The following PDE4D variants were observed in gnomAD, a reference collection of about 807,000 sequenced individuals.
PDE4D encodes the protein phosphodiesterase 4D.
PDE4D carries 24 observed loss-of-function variants against 87.4 expected under a neutral mutation model. That is an observed-to-expected ratio of 0.27 (90% CI 0.20 to 0.39). The LOEUF (loss-of-function observed/expected upper bound fraction) is 0.39. Among genes scored for constraint, PDE4D ranks in the 10% least tolerant of loss-of-function variants. The pLI is 1.00. For missense variants in PDE4D, 714 were observed against 1,041.0 expected (o/e 0.69, Z 4.32); for synonymous variants, 384 against 383.2 (o/e 1.00, Z -0.02).
intron 1 of PDE4D, among the ~76,000 whole-genome samples, chr5:59,502,136 CT>C (rs1562294753): frequency 6.6e-6 from 1 of 152,128 alleles, no homozygotes; most frequent in Non-Finnish European, 1.5e-5. Context: ...GTGCATTACT[CT>C]TAGAAGAGAG....
chr5:60,508,114 G>A (rs946242581), intron 1 of PDE4D, among the ~76,000 whole-genome samples: 25 of 152,146 alleles, frequency 1.6e-4, no homozygotes, highest in Non-Finnish European at 1.2e-4. Context: ...ATAAATCCCC[G>A]AAGCTCTAAG....
intron 3 of PDE4D, among the ~76,000 whole-genome samples, chr5:59,973,975 A>G (rs1320453957): frequency 1.3e-5 from 2 of 152,162 alleles, no homozygotes; most frequent in Non-Finnish European, 2.9e-5. Context: ...CCTTAAATAA[A>G]AATTAGCATG....
intron 1 of PDE4D, among the ~76,000 whole-genome samples, chr5:60,280,869 G>T (rs1751826527): frequency 6.6e-6 from 1 of 152,144 alleles, no homozygotes; most frequent in Non-Finnish European, 1.5e-5. Context: ...AATAAGGGCT[G>T]AGATAAAAAT....
chr5:60,355,526 CT>C (rs1315226319), intron 1 of PDE4D, among the ~76,000 whole-genome samples: 1 of 152,004 alleles, frequency 6.6e-6, no homozygotes, highest in Non-Finnish European at 1.5e-5. Flanking sequence ...CATGAAAAAC[CT>C]TTTAATCTAC....
chr5:59,047,828 C>A (rs1760946379), intron 5 of PDE4D, among the ~76,000 whole-genome samples: 1 of 152,108 alleles, frequency 6.6e-6, no homozygotes, highest in South Asian at 2.1e-4. Flanking sequence ...TAGATTCGTG[C>A]CATTATAAGA....
intron 1 of PDE4D, among the ~76,000 whole-genome samples, chr5:59,266,892 G>A (rs1297720392): frequency 5.3e-5 from 8 of 152,000 alleles, no homozygotes; most frequent in Admixed American, 1.3e-4. Context: ...ATGTAGTTTC[G>A]ACAGACCAAG....
At chr5:59,152,383 A>G (rs1581084210) in intron 5 of PDE4D, among the ~76,000 whole-genome samples, 1 of 152,324 alleles carries the variant, frequency 6.6e-6, no homozygotes, top group East Asian at 1.9e-4. Flanking sequence ...TAGTTTTTCC[A>G]CATTATAATC....
rs551510600 is a variant in PDE4D, at chr5:58,978,128, T to G, written c.1553-783A>C. Among the ~76,000 whole-genome samples, 4 of 152,320 alleles carry G rather than the reference T, an allele frequency of 2.6e-5. No individual in the cohort carries two copies. The South Asian group carries it at 8.3e-4, about 32-fold the overall frequency. On this transcript the variant is annotated intron_variant, in intron 11 of 14. Coordinates refer to ENST00000340635, the MANE Select transcript of PDE4D (RefSeq NM_001104631.2). ...CTACAAGATAATCATTAAAAAACTT[T>G]TGATGCTTTATTCTCTTTCCACTTA...
At chr5:60,495,272 G>A (rs1749751090) in intron 1 of PDE4D, among the ~76,000 whole-genome samples, 1 of 152,114 alleles carries the variant, frequency 6.6e-6, no homozygotes, top group African/African-American at 2.4e-5. Context: ...TCAGAGGAGT[G>A]GAAAGAAAGC....
At chr5:59,422,559 T>G (rs1026089501) in intron 1 of PDE4D, among the ~76,000 whole-genome samples, 15 of 152,218 alleles carry the variant, frequency 9.9e-5, no homozygotes, top group Non-Finnish European at 1.9e-4. Flanking sequence ...AGTTCATCCA[T>G]GTAATAATTT....
At chr5:59,636,218 AAGGAAATAAG>A (rs1346853164) in intron 1 of PDE4D, among the ~76,000 whole-genome samples, 1 of 152,192 alleles carries the variant, frequency 6.6e-6, no homozygotes, top group African/African-American at 2.4e-5. Context: ...ACCACTGCCC[AAGGAAATAAG>A]AGAAGACACA....
At chr5:60,070,423 T>G (rs889818716) in intron 2 of PDE4D, among the ~76,000 whole-genome samples, 4 of 152,154 alleles carry the variant, frequency 2.6e-5, no homozygotes, top group African/African-American at 9.6e-5. Flanking sequence ...ATGTTAAATT[T>G]TGTCAAACCC....
At chr5:59,116,103 G>A (rs918857139) in intron 5 of PDE4D, among the ~76,000 whole-genome samples, 2 of 152,022 alleles carry the variant, frequency 1.3e-5, no homozygotes, top group East Asian at 1.9e-4. Flanking sequence ...ATGTGTAAAC[G>A]TACAGGAAAT....
At chr5:59,869,761 A>C (rs1332072025) in intron 1 of PDE4D, among the ~76,000 whole-genome samples, 2 of 152,188 alleles carry the variant, frequency 1.3e-5, no homozygotes, top group Non-Finnish European at 2.9e-5. Flanking sequence ...AGTGAGTTTT[A>C]AAGTGAAATT....
intron 1 of PDE4D, among the ~76,000 whole-genome samples, chr5:59,772,693 C>G (rs1403625682): frequency 6.6e-6 from 1 of 152,152 alleles, no homozygotes. Context: ...ATGATTTATA[C>G]TCAGCTATGG....
chr5:59,315,494 G>A lies in PDE4D; in HGVS notation c.456-99526C>T, dbSNP rs116087147. ...GGGAATATGTTAGGGTAGGTAGATA[G>A]GTGGATATGAGCAGGGCAGGATAGG... On this transcript the variant is annotated intron_variant, in intron 1 of 14. Coordinates refer to ENST00000340635, the MANE Select transcript of PDE4D (RefSeq NM_001104631.2). Among the ~76,000 whole-genome samples the A allele has an allele frequency of 8.4e-3, 1,282 of 152,194 alleles. 16 individuals carry two copies. The highest frequency in any genetic ancestry group is 0.03 in the African/African-American group (1,228 of 41,508).
At chr5:60,276,814 T>C (rs1424556149) in intron 1 of PDE4D, among the ~76,000 whole-genome samples, 4 of 145,468 alleles carry the variant, frequency 2.7e-5, no homozygotes, top group Non-Finnish European at 1.5e-5. Flanking sequence ...GTCACTAGTA[T>C]TTTTTTTTTG....
chr5:59,224,565 C>G (rs998735890), intron 1 of PDE4D, among the ~76,000 whole-genome samples: 7 of 152,156 alleles, frequency 4.6e-5, no homozygotes, highest in Non-Finnish European at 8.8e-5. Flanking sequence ...GCCAATTTTT[C>G]TGAAAAGTAT....
chr5:59,525,287 A>C (rs536817909), intron 1 of PDE4D, among the ~76,000 whole-genome samples: 2 of 152,344 alleles, frequency 1.3e-5, no homozygotes, highest in Admixed American at 6.5e-5. Flanking sequence ...TGGATGTAAG[A>C]CATGGAGTCA....
Sources: allele counts gnomAD v4.1 joint callset (sites outside exome capture counted in the v4.1 genomes callset), GRCh38; gene constraint gnomAD v4.1.1; transcripts MANE v1.5; gene names NCBI Gene and HGNC (gene_info 2026-07-23, HGNC 2026-07-21).